Variants in AP1AR observed in about 807,000 individuals in gnomAD.
AP1AR encodes adaptor related protein complex 1 associated regulatory protein, also known as AP-1 complex-associated regulatory protein.
In AP1AR, 29 loss-of-function variants were observed where a neutral mutation model predicts 46.3. The observed-to-expected ratio is 0.63, with a 90% CI of 0.47 to 0.85. AP1AR has a LOEUF of 0.85. AP1AR is among the 40% of genes least tolerant of loss of function. AP1AR has a pLI of 0.00. For missense variants in AP1AR, 357 were observed against 356.3 expected, an observed-to-expected ratio of 1.00 and a Z score of -0.02; for synonymous variants, 122 against 122.9, an observed-to-expected ratio of 0.99 and a Z score of 0.05.
chr4:112,265,710 A>C (rs1162679372), intron 7 of AP1AR, 24 bp from the exon 8 acceptor site: 1 of 1,575,824 alleles, frequency 6.3e-7, no homozygotes, highest in Non-Finnish European at 8.7e-7. Flanking sequence ...AATATATTAA[A>C]AAATTATTTC....
intron 4 of AP1AR, among the ~76,000 whole-genome samples, chr4:112,259,642 C>T (rs1578418096): frequency 6.6e-6 from 1 of 152,048 alleles, no homozygotes; most frequent in South Asian, 2.1e-4. Flanking sequence ...CTTCTTTCTT[C>T]CTTCCTTCCT....
chr4:112,264,327 G>A (rs1022520307), intron 6 of AP1AR, among the ~76,000 whole-genome samples: 2 of 152,002 alleles, frequency 1.3e-5, no homozygotes, highest in Non-Finnish European at 2.9e-5. Flanking sequence ...TCCTACCCTG[G>A]TTTAAATATT....
chr4:112,254,744 C>A lies in AP1AR; in HGVS notation c.133-3C>A, dbSNP rs768216771. ...CTTAACGCTTACTTTTTTGTCCTTT[C>A]AGTTTGAGAATCTAGTAGAAAGTGA... is the stretch of plus-strand genomic sequence containing the variant. On this transcript the variant is annotated splice_region_variant and splice_polypyrimidine_tract_variant and intron_variant, in intron 2 of 9. Coordinates refer to ENST00000274000, the MANE Select transcript of AP1AR (RefSeq NM_018569.6). 6.6e-7 allele frequency: 1 copy of A among 1,505,930 alleles called. No individual in the cohort carries two copies. The highest frequency in any genetic ancestry group is 9.0e-7 in the Non-Finnish European group (1 of 1,116,644). 93.3% of individuals were successfully genotyped at this position (1,505,930 alleles called of 1,614,324 possible).
chr4:112,254,158 T>C (rs1430706869), intron 2 of AP1AR, among the ~76,000 whole-genome samples: 1 of 152,210 alleles, frequency 6.6e-6, no homozygotes, highest in Non-Finnish European at 1.5e-5. Context: ...AGTGATATAA[T>C]AGTAATGACT....
chr4:112,265,597 T>C, intron 7 of AP1AR, 137 bp from the exon 8 acceptor site: 1 of 584,346 alleles, frequency 1.7e-6, no homozygotes, highest in Non-Finnish European at 3.0e-6. Context: ...CTATTTTCAT[T>C]AGGTTATTCT....
chr4:112,234,774 C>A (rs1414603127), intron 1 of AP1AR, among the ~76,000 whole-genome samples: 3 of 151,458 alleles, frequency 2.0e-5, no homozygotes, highest in Non-Finnish European at 4.4e-5. Context: ...TGATTTGATC[C>A]TATATGTCTT....
At chr4:112,235,862 G>A (rs567975069) in intron 1 of AP1AR, among the ~76,000 whole-genome samples, 2 of 152,236 alleles carry the variant, frequency 1.3e-5, no homozygotes, top group East Asian at 3.9e-4. Flanking sequence ...TCTTTATTCT[G>A]TGTGCTAAGC....
At chr4:112,263,553 T>C (rs963751845) in intron 6 of AP1AR, among the ~76,000 whole-genome samples, 2 of 152,116 alleles carry the variant, frequency 1.3e-5, no homozygotes, top group Admixed American at 1.3e-4. Flanking sequence ...CATAAAATTA[T>C]TACTTGCTTC....
chr4:112,257,812 A>T lies in AP1AR; in HGVS notation c.185+15A>T. On this transcript the variant is annotated intron_variant, in intron 4 of 9. Transcript: ENST00000274000. ...AGCAGTCATAGGTAAGGCTTTGTTA[A>T]AAAAAAAAAACAAAACTTCTATGCA... is the stretch of plus-strand genomic sequence containing the variant. 1 of 1,502,424 alleles carries T rather than the reference A, an allele frequency of 6.7e-7. No individual in the cohort carries two copies. Among genetic ancestry groups the T allele is most frequent in the Non-Finnish European group, 8.9e-7 (1 of 1,120,940 alleles). 93.1% of individuals were successfully genotyped at this position (1,502,424 alleles called of 1,614,324 possible).
chr4:112,252,556 A>T (rs983730500), intron 1 of AP1AR, among the ~76,000 whole-genome samples: 1 of 152,242 alleles, frequency 6.6e-6, no homozygotes, highest in Non-Finnish European at 1.5e-5. Flanking sequence ...AATAAAGAAG[A>T]TTCCTATTTG....
Position 112,265,052 on chromosome 4 carries a change from A to G in AP1AR, c.425A>G (p.Asn142Ser), listed in dbSNP as rs768069384. ...GTGCAGCAATATCATCCTTCCAACA[A>G]TGGAGAATATCAAAGGTAAATAGTG... Reference protein sequence around the residue: ...RIVQQYHPSNNGEYQSSGPED... With the variant: ...RIVQQYHPSNSGEYQSSGPED... Residue 142 changes from asparagine (N) to serine (S), a missense_variant, in exon 7 of 10, where the codon AAT (asparagine) becomes AGT (serine). By Grantham distance (46) the Asn-to-Ser change is conservative. Transcript: ENST00000274000. 6.9e-6 allele frequency: 11 copies of G among 1,602,784 alleles called. No homozygotes were observed. The highest frequency in any genetic ancestry group is 1.3e-5 in the African/African-American group (1 of 74,614).
chr4:112,234,663 T>G (rs1197804592), intron 1 of AP1AR, among the ~76,000 whole-genome samples: 1 of 151,908 alleles, frequency 6.6e-6, no homozygotes, highest in Non-Finnish European at 1.5e-5. Context: ...TTTTAGTTTT[T>G]TTTTTTTTTT....
Position 112,232,194 on chromosome 4 carries a change from G to A in AP1AR, c.83+20G>A. The A allele has an allele frequency of 7.9e-7, 1 of 1,266,342 alleles. No homozygotes were observed. The allele number at this position is 1,266,342 out of a possible 1,614,324, so 78.4% of individuals were successfully genotyped here. ...CGGAGGGTAAGCCCGCTGGGGGAGG[G>A]GCCCGGCCCCCGTGGCTCCTCCTCT... On this transcript the variant is annotated intron_variant, in intron 1 of 9. Transcript: ENST00000274000.
At chr4:112,266,803 G>T in intron 9 of AP1AR, 87 bp downstream of exon 9, 1 of 1,294,632 alleles carries the variant, frequency 7.7e-7, no homozygotes, top group Non-Finnish European at 1.0e-6. Flanking sequence ...TATTTAAATG[G>T]AAATAAATTC....
rs1299873230 is a variant in AP1AR, at chr4:112,231,822, C to T, written c.-270C>T. 2.5e-5 allele frequency: 9 copies of T among 353,428 alleles called. No homozygotes were observed. Among genetic ancestry groups the T allele is most frequent in the Non-Finnish European group, 5.1e-6 (1 of 197,702 alleles). The allele number at this position is 353,428 out of a possible 1,614,324, so 21.9% of individuals were successfully genotyped here. On this transcript the variant is annotated 5_prime_UTR_variant, in exon 1 of 10. Coordinates refer to ENST00000274000, the MANE Select transcript of AP1AR (RefSeq NM_018569.6). ...GGCTAGGAGCTGAGGCGAGAAGGGC[C>T]ATGCGGACGGCGAGGGAGTCCAGAG...
At chr4:112,238,855 G>A (rs1725362008) in intron 1 of AP1AR, among the ~76,000 whole-genome samples, 1 of 152,130 alleles carries the variant, frequency 6.6e-6, no homozygotes, top group Non-Finnish European at 1.5e-5. Context: ...GTGTAAAGCT[G>A]AATTCATCTT....
chr4:112,257,675 G>T, intron 3 of AP1AR, 97 bp from the exon 4 acceptor site: 1 of 908,474 alleles, frequency 1.1e-6, no homozygotes, highest in Non-Finnish European at 1.6e-6. Flanking sequence ...AAATGGGTAA[G>T]TTGAAAGTAT....
intron 1 of AP1AR, among the ~76,000 whole-genome samples, chr4:112,233,895 C>T (rs759318322): frequency 2.0e-5 from 3 of 152,148 alleles, no homozygotes; most frequent in Non-Finnish European, 2.9e-5. Context: ...CTCGCTCTGT[C>T]GCCCAGGCTG....
At chr4:112,255,438 G>A (rs1726146007) in intron 3 of AP1AR, among the ~76,000 whole-genome samples, 1 of 152,064 alleles carries the variant, frequency 6.6e-6, no homozygotes, top group Non-Finnish European at 1.5e-5. Context: ...TGTTGTTGCC[G>A]TTGTTTTCTT....
Sources: allele counts gnomAD v4.1 joint callset (sites outside exome capture counted in the v4.1 genomes callset), GRCh38; gene constraint gnomAD v4.1.1; transcripts MANE v1.5; gene names NCBI Gene and HGNC (gene_info 2026-07-23, HGNC 2026-07-21).